Variants in STAC3 observed in about 807,000 individuals in gnomAD.
STAC3 encodes SH3 and cysteine rich domain 3.
STAC3 carries 30 observed loss-of-function variants against 48.5 expected under a neutral mutation model. The observed-to-expected ratio is 0.62, with a 90% CI of 0.46 to 0.84. The LOEUF (loss-of-function observed/expected upper bound fraction) is 0.84, where lower values mean the gene tolerates loss of function less well. Among genes scored for constraint, STAC3 ranks in the 40% least tolerant of loss-of-function variants. The pLI is 0.00. For synonymous variants in STAC3, 144 were observed against 158.6 expected (o/e 0.91, Z 0.69); for missense variants, 419 against 462.6 (o/e 0.91, Z 0.86).
In STAC3 at chr12:57,251,122, A is replaced by T; in HGVS notation, c.-131T>A. ...AGCCCCCCCAGTACCCCCTGTGTTC[A>T]CACCAGCTACCCAGTCGCTATTTGT... On this transcript the variant is annotated 5_prime_UTR_variant, in exon 1 of 12. Transcript: ENST00000332782. The T allele has an allele frequency of 2.2e-6, 1 of 453,858 alleles. No individual in the cohort carries two copies. The highest frequency in any genetic ancestry group is 1.6e-5 in the South Asian group (1 of 64,450). The allele number at this position is 453,858 out of a possible 1,614,324, so 28.1% of individuals were successfully genotyped here.
In STAC3 at chr12:57,243,821, C is replaced by T. The variant is rs61739642; in HGVS notation, c.1086G>A (p.Glu362=). 2.2e-3 allele frequency: 3,548 copies of T among 1,614,008 alleles called. 73 individuals carry two copies. The African/African-American group carries it at 0.042, about 19-fold the overall frequency. ...KVGLFPTDFL[E]EI ...GCAGGCGCCCGCACGCCTAAATTTCCTCTAGAAAGTCGGTGGGAAACAGCC... is the reference window on the plus strand; with the variant it reads ...GCAGGCGCCCGCACGCCTAAATTTCTTCTAGAAAGTCGGTGGGAAACAGCC... Residue 362 remains glutamate (E), a synonymous_variant, in exon 12 of 12, where the codon GAG becomes GAA. Coordinates refer to ENST00000332782, the MANE Select transcript of STAC3 (RefSeq NM_145064.3).
intron 1 of STAC3, among the ~76,000 whole-genome samples, chr12:57,250,648 C>A (rs2037880324): frequency 6.6e-6 from 1 of 152,090 alleles, no homozygotes; most frequent in African/African-American, 2.4e-5. Flanking sequence ...TCCTCGTGTG[C>A]ACACAAGGAA....
At chr12:57,249,432 G>T in intron 2 of STAC3, 124 bp from the exon 3 acceptor site, 1 of 1,484,372 alleles carries the variant, frequency 6.7e-7, no homozygotes, top group East Asian at 2.3e-5. Context: ...CCAGGATTAG[G>T]GGGGTATTGG....
chr12:57,249,434 G>T, intron 2 of STAC3, 126 bp from the exon 3 acceptor site: 1 of 1,493,322 alleles, frequency 6.7e-7, no homozygotes, highest in Middle Eastern at 2.0e-4. Context: ...AGGATTAGGG[G>T]GGTATTGGTA....
chr12:57,246,666 G>A (rs535235665), intron 6 of STAC3, 138 bp downstream of exon 6: 531 of 758,518 alleles, frequency 7.0e-4, no homozygotes, highest in Non-Finnish European at 1.0e-3. Context: ...GATTACAGGC[G>A]TGAGCCACCA....
At position 57,251,044 on chromosome 12, in the gene STAC3, C is replaced by T. The variant is rs937292105; in HGVS notation, c.-53G>A. ...AGGCTGTAGAGGGAGCTGGGAGCCT[C>T]GAGGCCTTGATGGTGGTGCTGGGGA... On this transcript the variant is annotated 5_prime_UTR_variant, in exon 1 of 12. Coordinates refer to ENST00000332782, the MANE Select transcript of STAC3 (RefSeq NM_145064.3). 7.2e-6 allele frequency: 3 copies of T among 415,670 alleles called. No homozygotes were observed. Among genetic ancestry groups the T allele is most frequent in the East Asian group, 1.5e-4 (2 of 13,716 alleles). The allele number at this position is 415,670 out of a possible 1,614,324, so 25.7% of individuals were successfully genotyped here.
At position 57,243,891 on chromosome 12, in the gene STAC3, TCTC is replaced by T; in HGVS notation, c.1013_1015del (p.Gly338del). The T allele has an allele frequency of 1.2e-6, 2 of 1,613,590 alleles. No homozygotes were observed. Among genetic ancestry groups the T allele is most frequent in the Non-Finnish European group, 1.7e-6 (2 of 1,179,842 alleles). ...GACCTTGACGTAGCCGCCCGCTTCG[TCTC>T]CTTTCTGCACCACGATCTAGAAGAT... On this transcript the variant is annotated inframe_deletion, in exon 12 of 12. Transcript: ENST00000332782.
chr12:57,244,289 A>G (rs1165059690), intron 10 of STAC3, 26 bp downstream of exon 10: 3 of 1,613,468 alleles, frequency 1.9e-6, no homozygotes, highest in Non-Finnish European at 2.5e-6. Flanking sequence ...CCCACACTCC[A>G]CCCTAGCCCT....
chr12:57,249,787 A>G (rs186033468), intron 1 of STAC3, 150 bp from the exon 2 acceptor site: 93 of 785,156 alleles, frequency 1.2e-4, no homozygotes, highest in African/African-American at 6.9e-4. Context: ...ATGGGGTCTC[A>G]CTCTGTCACC....
rs1363103787 is a variant in STAC3, at chr12:57,245,208, C to T, written c.607G>A (p.Val203Ile). The T allele has an allele frequency of 1.2e-6, 2 of 1,613,992 alleles. No homozygotes were observed. The highest frequency in any genetic ancestry group is 2.7e-5 in the African/African-American group (2 of 74,900). The stretch of plus-strand genomic sequence containing the variant: ...GGCTCCTCCTCCATCATGGCTGCTA[C>T]AGGCTGGAGGGGGCACCAGAGTTAG... The part of the protein sequence containing the change: ...KKGQADKKNP[V>I]AAMMEEEPES... Residue 203 changes from valine (V) to isoleucine (I), a missense_variant, in exon 7 of 12, where the codon GTA (valine) becomes ATA (isoleucine). By Grantham distance (29) the Val-to-Ile change is conservative (BLOSUM62 3). Coordinates refer to ENST00000332782, the MANE Select transcript of STAC3 (RefSeq NM_145064.3).
intron 5 of STAC3, among the ~76,000 whole-genome samples, chr12:57,247,669 C>T (rs189080447): frequency 2.6e-5 from 4 of 151,968 alleles, no homozygotes; most frequent in East Asian, 1.9e-4. Flanking sequence ...GTGATCCACC[C>T]GCCTCGGCCT....
At chr12:57,244,736 C>G (rs937302993) in intron 8 of STAC3, 114 bp from the exon 9 acceptor site, 1 of 1,429,010 alleles carries the variant, frequency 7.0e-7, no homozygotes, top group Non-Finnish European at 9.8e-7. Flanking sequence ...TCTTCTAGGT[C>G]CCTGAACTGA....
chr12:57,245,477 TCTC>T lies in STAC3; in HGVS notation c.604-269_604-267del, dbSNP rs138950743. 0.055 allele frequency among the ~76,000 whole-genome samples: 8,308 copies of T among 151,846 alleles called. 640 individuals carry two copies. The highest frequency in any genetic ancestry group is 0.18 in the African/African-American group (7,232 of 41,292). On this transcript the variant is annotated intron_variant, in intron 6 of 11. Coordinates refer to ENST00000332782, the MANE Select transcript of STAC3 (RefSeq NM_145064.3). ...AGCTCCGCCTCCAGGTTCACGCCAT[TCTC>T]CTGCCACAGCCTCCTGAGTAGCTGG...
Position 57,243,769 on chromosome 12 carries a change from A to G in STAC3, c.*43T>C. The stretch of plus-strand genomic sequence containing the variant: ...TCCCCAAACTCCACTGGGCCCGCCC[A>G]GAATGGGGTGTGGGTGTCTCCCGCT... On this transcript the variant is annotated 3_prime_UTR_variant, in exon 12 of 12. Transcript: ENST00000332782. The G allele has an allele frequency of 6.3e-7, 1 of 1,577,814 alleles. No individual in the cohort carries two copies. Among genetic ancestry groups the G allele is most frequent in the Non-Finnish European group, 8.7e-7 (1 of 1,149,234 alleles).
intron 4 of STAC3, 176 bp from the exon 5 acceptor site, chr12:57,248,374 CCT>C (rs1491057205): frequency 9.7e-5 from 58 of 599,182 alleles, no homozygotes; most frequent in African/African-American, 5.8e-4. Flanking sequence ...TGACATGTCC[CCT>C]CTTTTTTTTT....
rs748836499 is a variant in STAC3, at chr12:57,249,581, C to A, written c.56G>T (p.Arg19Leu). The A allele has an allele frequency of 4.3e-6, 7 of 1,613,934 alleles. No individual in the cohort carries two copies. The African/African-American group carries it at 8.0e-5, about 18-fold the overall frequency. Residue 19 changes from arginine to leucine, a missense_variant, in exon 2 of 12, where the codon CGG becomes CTG. Arg to Leu is a moderately radical substitution (Grantham distance 102). Transcript: ENST00000332782. ...SPKPSFPAET[R>L]QSGLQRLKQL... ...GAGGCCCAGACTCACCCCACTTTGC[C>A]GAGTCTCTGCTGGGAAGGAGGGCTT... is the stretch of plus-strand genomic sequence containing the variant.
At chr12:57,246,754 T>C (rs555122932) in intron 6 of STAC3, 50 bp downstream of exon 6, 204 of 1,523,734 alleles carry the variant, frequency 1.3e-4, no homozygotes, top group Non-Finnish European at 1.8e-4. Flanking sequence ...GAAAATGACC[T>C]GCTCCATGGG....
At chr12:57,249,379 G>A in intron 2 of STAC3, 71 bp from the exon 3 acceptor site, 6 of 1,520,876 alleles carry the variant, frequency 3.9e-6, no homozygotes, top group Non-Finnish European at 5.3e-6. Context: ...GGGGGCGCTA[G>A]AGCAAACTAG....
chr12:57,244,417 C>G, intron 9 of STAC3, 51 bp from the exon 10 acceptor site: 1 of 1,612,438 alleles, frequency 6.2e-7, no homozygotes, highest in Non-Finnish European at 8.5e-7. Flanking sequence ...CCCTGCTGTG[C>G]CCCGGGTCCA....
Sources: gnomAD v4.1 joint callset for allele counts (sites outside exome capture counted in the v4.1 genomes callset) on GRCh38, gnomAD v4.1.1 for gene constraint, MANE v1.5 for transcripts, NCBI Gene and HGNC (gene_info 2026-07-23, HGNC 2026-07-21) for gene names.